LURAP1L: variants seen among roughly 807,000 people sequenced by gnomAD.
The protein encoded by LURAP1L is leucine rich adaptor protein 1-like.
LURAP1L carries 12 observed loss-of-function variants against 13.8 expected under a neutral mutation model. The observed-to-expected ratio is 0.87, with a 90% CI of 0.56 to 1.41. LURAP1L has a LOEUF of 1.41. LURAP1L is among the 40% of genes most tolerant of loss of function. The pLI is 0.00. For missense variants in LURAP1L, 375 were observed against 292.9 expected (o/e 1.28, Z -2.04); for synonymous variants, 139 against 119.2 (o/e 1.17, Z -1.08).
intron 1 of LURAP1L, among the ~76,000 whole-genome samples, chr9:12,785,492 G>A (rs768610490): frequency 1.3e-5 from 2 of 152,088 alleles, no homozygotes; most frequent in African/African-American, 2.4e-5. Context: ...TATGACCCCA[G>A]AGCACTTTAG....
At chr9:12,813,672 C>A (rs183133268) in intron 1 of LURAP1L, among the ~76,000 whole-genome samples, 4 of 152,082 alleles carry the variant, frequency 2.6e-5, no homozygotes, top group Admixed American at 6.5e-5. Context: ...AAATATTCTC[C>A]ATGTATTTGA....
chr9:12,801,325 T>C (rs1424920821), intron 1 of LURAP1L, among the ~76,000 whole-genome samples: 2 of 151,464 alleles, frequency 1.3e-5, no homozygotes, highest in African/African-American at 2.4e-5. Context: ...ATATTAAAGA[T>C]GGCTAAAGCT....
At chr9:12,798,910 G>T (rs1819546834) in intron 1 of LURAP1L, among the ~76,000 whole-genome samples, 1 of 152,130 alleles carries the variant, frequency 6.6e-6, no homozygotes, top group East Asian at 1.9e-4. Context: ...TAATAGGGTA[G>T]AATCATTCAT....
intron 1 of LURAP1L, among the ~76,000 whole-genome samples, chr9:12,820,869 C>T (rs190593247): frequency 2.0e-5 from 3 of 152,184 alleles, no homozygotes; most frequent in African/African-American, 7.2e-5. Context: ...TAATACCTGT[C>T]ATACAGTGTT....
chr9:12,807,720 T>C (rs2118528914), intron 1 of LURAP1L, among the ~76,000 whole-genome samples: 1 of 152,220 alleles, frequency 6.6e-6, no homozygotes, highest in East Asian at 1.9e-4. Flanking sequence ...TTTGTACATA[T>C]TTTCTATTTC....
chr9:12,798,306 T>C (rs1055365361), intron 1 of LURAP1L, among the ~76,000 whole-genome samples: 4 of 152,222 alleles, frequency 2.6e-5, no homozygotes, highest in African/African-American at 4.8e-5. Context: ...CAGTGAGTAC[T>C]GTACAATCCT....
intron 1 of LURAP1L, among the ~76,000 whole-genome samples, chr9:12,810,379 G>A (rs1161520623): frequency 6.6e-6 from 1 of 152,104 alleles, no homozygotes; most frequent in Non-Finnish European, 1.5e-5. Context: ...CTGTATCCAT[G>A]TGTCTGTCTT....
At chr9:12,786,482 T>C (rs72702668) in intron 1 of LURAP1L, among the ~76,000 whole-genome samples, 4,033 of 143,816 alleles carry the variant, frequency 0.028, 77 homozygotes, top group Non-Finnish European at 0.045. Context: ...AGTGATTGTT[T>C]TTCTGAGAAT....
In LURAP1L at chr9:12,822,236, T is replaced by C. The variant is rs1563901670; in HGVS notation, c.*476T>C. 1 of 157,200 alleles carries C rather than the reference T, an allele frequency of 6.4e-6. No homozygotes were observed. Among genetic ancestry groups the C allele is most frequent in the African/African-American group, 2.4e-5 (1 of 41,452 alleles). 9.7% of individuals were successfully genotyped at this position (157,200 alleles called of 1,614,324 possible). A position where few individuals can be genotyped will look rare whatever the true frequency, so the allele number is the denominator to read the frequency against. ...GTTGAACAAAATGCTTGGAACAAAATTAAGCATTATTTCTAGACCACAACA... is the reference window on the plus strand; with the variant it reads ...GTTGAACAAAATGCTTGGAACAAAACTAAGCATTATTTCTAGACCACAACA... On this transcript the variant is annotated 3_prime_UTR_variant, in exon 2 of 2. Coordinates refer to ENST00000319264, the MANE Select transcript of LURAP1L (RefSeq NM_203403.2).
chr9:12,785,087 C>T (rs1489423649), intron 1 of LURAP1L, among the ~76,000 whole-genome samples: 1 of 150,048 alleles, frequency 6.7e-6, no homozygotes, highest in Admixed American at 6.6e-5. Context: ...TGAATCTTGC[C>T]AGGCCTGGTT....
At chr9:12,788,526 G>A (rs949957846) in intron 1 of LURAP1L, among the ~76,000 whole-genome samples, 8 of 151,896 alleles carry the variant, frequency 5.3e-5, no homozygotes, top group African/African-American at 1.9e-4. Context: ...GTATACATTC[G>A]GTATAATGTA....
At chr9:12,798,906 G>C (rs889280019) in intron 1 of LURAP1L, among the ~76,000 whole-genome samples, 24 of 151,982 alleles carry the variant, frequency 1.6e-4, no homozygotes, top group Admixed American at 2.6e-4. Flanking sequence ...AATATAATAG[G>C]GTAGAATCAT....
chr9:12,806,650 A>G (rs1428991980), intron 1 of LURAP1L, among the ~76,000 whole-genome samples: 1 of 152,190 alleles, frequency 6.6e-6, no homozygotes, highest in Non-Finnish European at 1.5e-5. Context: ...TTAGAAGTCT[A>G]TAAATATTCT....
chr9:12,782,046 T>C (rs983669552), intron 1 of LURAP1L, among the ~76,000 whole-genome samples: 11 of 152,242 alleles, frequency 7.2e-5, no homozygotes, highest in African/African-American at 2.7e-4. Flanking sequence ...TGATTGTCAT[T>C]TGGATGTCTT....
chr9:12,818,039 T>C (rs757451625), intron 1 of LURAP1L, among the ~76,000 whole-genome samples: 1 of 151,686 alleles, frequency 6.6e-6, no homozygotes, highest in African/African-American at 2.4e-5. Flanking sequence ...CTATAATCAT[T>C]ATCAACCAGA....
At chr9:12,797,481 T>A (rs769414826) in intron 1 of LURAP1L, among the ~76,000 whole-genome samples, 2 of 152,162 alleles carry the variant, frequency 1.3e-5, no homozygotes, top group Non-Finnish European at 2.9e-5. Flanking sequence ...CAGACCTTTT[T>A]ACAACTTTGG....
intron 1 of LURAP1L, among the ~76,000 whole-genome samples, chr9:12,791,204 G>A (rs1249294089): frequency 6.6e-6 from 1 of 151,962 alleles, no homozygotes; most frequent in Non-Finnish European, 1.5e-5. Flanking sequence ...GTTCATTATA[G>A]GATTCCAGAA....
chr9:12,782,352 T>C (rs1479221311), intron 1 of LURAP1L, among the ~76,000 whole-genome samples: 1 of 152,242 alleles, frequency 6.6e-6, no homozygotes, highest in Non-Finnish European at 1.5e-5. Context: ...TATAGAGAGT[T>C]TCCCCAATGT....
chr9:12,787,597 C>T (rs1438694546), intron 1 of LURAP1L, among the ~76,000 whole-genome samples: 1 of 152,122 alleles, frequency 6.6e-6, no homozygotes. Flanking sequence ...GATCATCAAC[C>T]TTTGGTTGAA....
Sources: allele counts gnomAD v4.1 joint callset (sites outside exome capture counted in the v4.1 genomes callset), GRCh38; gene constraint gnomAD v4.1.1; transcripts MANE v1.5; gene names NCBI Gene and HGNC (gene_info 2026-07-23, HGNC 2026-07-21).